SLC17A1: variants seen among roughly 807,000 people sequenced by gnomAD.
SLC17A1 encodes sodium-dependent phosphate transport protein 1.
A neutral mutation model predicts 53.5 loss-of-function variants in SLC17A1; 51 were observed. That is an observed-to-expected ratio of 0.95 (90% CI 0.76 to 1.20). SLC17A1 has a LOEUF of 1.20. Among genes scored for constraint, SLC17A1 ranks in the 50% most tolerant of loss-of-function variants. The probability of loss-of-function intolerance (pLI) is 0.00; values close to 1 mark genes in which losing one functional copy is unlikely to be tolerated. For missense variants in SLC17A1, 538 were observed against 568.2 expected (o/e 0.95, Z 0.54); for synonymous variants, 179 against 198.8 (o/e 0.90, Z 0.84).
In SLC17A1 at chr6:25,812,888, G is replaced by A. The variant is rs2151492730; in HGVS notation, c.840C>T (p.Ile280=). The change falls in exon 8 of 13, where the codon ATC becomes ATT. Residue 280 remains isoleucine (I), a synonymous_variant. Transcript: ENST00000244527. ...TAAACATTGGAGTGTATAGTGTCAT[G>A]ATGTTATGTGACCAGAAAAACGTAA... ...GSFTFFWSHN[I]MTLYTPMFIN... The A allele has an allele frequency of 1.2e-6, 2 of 1,612,976 alleles. No individual in the cohort carries two copies. The highest frequency in any genetic ancestry group is 4.5e-5 in the East Asian group (2 of 44,862).
At chr6:25,767,242 C>T in the SLC17A1 span, among the ~76,000 whole-genome samples, 1 of 152,044 alleles carries the variant, frequency 6.6e-6, no homozygotes, top group Admixed American at 6.6e-5. Context: ...ACATTTTAAG[C>T]TCAACTATAT....
At chr6:25,732,010 C>T in the SLC17A1 span, 2 of 1,542,042 alleles carry the variant, frequency 1.3e-6, no homozygotes, top group Admixed American at 1.8e-5. Context: ...ATTCCAGTGT[C>T]CGCGTGGACC....
chr6:25,777,830 T>C, the SLC17A1 span: 1 of 981,008 alleles, frequency 1.0e-6, no homozygotes, highest in Non-Finnish European at 1.6e-6. Context: ...ATTAACCCTT[T>C]GTTTGCACAG....
intron 9 of SLC17A1, 28 bp from the exon 10 acceptor site, chr6:25,811,573 A>T (rs752922071): frequency 6.2e-7 from 1 of 1,613,646 alleles, no homozygotes; most frequent in Non-Finnish European, 8.5e-7. Context: ...CAACATAGTC[A>T]GGTGCATCCT....
the SLC17A1 span, chr6:25,726,657 G>T: frequency 1.6e-6 from 2 of 1,239,674 alleles, no homozygotes; most frequent in South Asian, 1.5e-5. Flanking sequence ...TCAGAAAGTC[G>T]TACTAGAATC....
At chr6:25,732,065 G>A in the SLC17A1 span, 3 of 1,223,060 alleles carry the variant, frequency 2.5e-6, no homozygotes, top group Non-Finnish European at 3.3e-6. Context: ...TCTCTTTGCG[G>A]CATCTCTTGC....
chr6:25,776,466 A>G, the SLC17A1 span: 5 of 1,107,998 alleles, frequency 4.5e-6, no homozygotes, highest in Non-Finnish European at 5.1e-6. Context: ...TTATAGTAAC[A>G]TGGAATTTGT....
chr6:25,726,784 T>A, the SLC17A1 span: 3 of 1,278,174 alleles, frequency 2.3e-6, no homozygotes, highest in Admixed American at 2.3e-5. Context: ...TCTGTTTGTT[T>A]ACTTGGCGAG....
the SLC17A1 span, among the ~76,000 whole-genome samples, chr6:25,730,260 A>G: frequency 2.0e-5 from 3 of 152,246 alleles, no homozygotes; most frequent in Non-Finnish European, 4.4e-5. Context: ...AAAGAACATA[A>G]AGGTCCTTCA....
At chr6:25,819,437 T>C (rs937642327) in intron 5 of SLC17A1, 74 bp downstream of exon 5, 122 of 1,237,380 alleles carry the variant, frequency 9.9e-5, no homozygotes, top group Middle Eastern at 2.1e-4. Context: ...CACACATTTC[T>C]TATGGCTCTA....
chr6:25,756,539 G>T, the SLC17A1 span, among the ~76,000 whole-genome samples: 1 of 152,024 alleles, frequency 6.6e-6, no homozygotes, highest in African/African-American at 2.4e-5. Flanking sequence ...CTTTCTCGCA[G>T]GTGTACTGTC....
Position 25,812,979 on chromosome 6 carries a change from C to T in SLC17A1, c.749G>A (p.Arg250Lys). ...TATAGCCTTGATAGGCAGAGATTGT[C>T]TACTTGAACTGACCTGGAGAGAAAT... ...SSLVQQVSSS[R>K]QSLPIKAILK... is the part of the protein sequence containing the mutation. The change falls in exon 8 of 13, where the codon AGA (arginine) becomes AAA (lysine). Residue 250 changes from arginine (R) to lysine (K), a missense_variant. Coordinates refer to ENST00000244527, the MANE Select transcript of SLC17A1 (RefSeq NM_005074.5). 1 of 1,613,878 alleles carries T rather than the reference C, an allele frequency of 6.2e-7. No individual in the cohort carries two copies. The highest frequency in any genetic ancestry group is 8.5e-7 in the Non-Finnish European group (1 of 1,179,920).
chr6:25,776,888 G>A, the SLC17A1 span: 1 of 1,613,880 alleles, frequency 6.2e-7, no homozygotes, highest in Non-Finnish European at 8.5e-7. Context: ...TGACCTTCTT[G>A]GTGCTGTCTT....
the SLC17A1 span, among the ~76,000 whole-genome samples, chr6:25,744,557 A>C: frequency 6.6e-6 from 1 of 152,194 alleles, no homozygotes; most frequent in Non-Finnish European, 1.5e-5. Flanking sequence ...TTACAGTTAA[A>C]TTAAATTTAG....
At chr6:25,799,294 T>C (rs1763683145) in intron 11 of SLC17A1, among the ~76,000 whole-genome samples, 1 of 152,174 alleles carries the variant, frequency 6.6e-6, no homozygotes, top group Non-Finnish European at 1.5e-5. Flanking sequence ...CTTCATATTT[T>C]AATTGGCAAA....
downstream of SLC17A1, among the ~76,000 whole-genome samples, chr6:25,781,927 C>T (rs573101676): frequency 6.8e-4 from 104 of 152,114 alleles, no homozygotes; most frequent in African/African-American, 2.3e-3. Flanking sequence ...CATATGGGCT[C>T]GAAGAAGGAG....
At chr6:25,796,472 G>A (rs1390383759) in intron 12 of SLC17A1, among the ~76,000 whole-genome samples, 1 of 151,950 alleles carries the variant, frequency 6.6e-6, no homozygotes, top group Admixed American at 6.6e-5. Context: ...TGGGTGTAGT[G>A]TTGCATGCCT....
intron 3 of SLC17A1, among the ~76,000 whole-genome samples, chr6:25,820,227 G>A (rs1395103598): frequency 6.6e-6 from 1 of 152,146 alleles, no homozygotes; most frequent in Non-Finnish European, 1.5e-5. Flanking sequence ...AACTCCTCCT[G>A]TGTAGCATAC....
At chr6:25,726,407 C>T in the SLC17A1 span, 7 of 1,614,212 alleles carry the variant, frequency 4.3e-6, no homozygotes, top group South Asian at 5.5e-5. Context: ...ATCCGCTCTG[C>T]ATAGTTTCCC....
Sources: allele counts gnomAD v4.1 joint callset (sites outside exome capture counted in the v4.1 genomes callset), GRCh38; gene constraint gnomAD v4.1.1; transcripts MANE v1.5; gene names NCBI Gene and HGNC (gene_info 2026-07-23, HGNC 2026-07-21).